C19orf38: variants seen among roughly 807,000 people sequenced by gnomAD.
The protein encoded by C19orf38 is protein HIDE1.
Under a neutral mutation model 26.6 loss-of-function variants are expected in C19orf38, and 14 were observed. The observed-to-expected ratio is 0.53, with a 90% CI of 0.35 to 0.82. C19orf38 has a LOEUF of 0.82. C19orf38 is among the 40% of genes least tolerant of loss of function. C19orf38 has a pLI of 0.01. For synonymous variants in C19orf38, 132 were observed against 128.5 expected, an observed-to-expected ratio of 1.03 and a Z score of -0.18; for missense variants, 261 against 299.5, an observed-to-expected ratio of 0.87 and a Z score of 0.95.
intron 3 of C19orf38, among the ~76,000 whole-genome samples, chr19:10,856,957 C>G (rs1168898785): frequency 6.6e-6 from 1 of 151,846 alleles, no homozygotes; most frequent in Non-Finnish European, 1.5e-5. Flanking sequence ...CCACCACATG[C>G]AGCTAATTAT....
At chr19:10,860,223 C>T in intron 5 of C19orf38, 1 of 422,480 alleles carries the variant, frequency 2.4e-6, no homozygotes, top group Non-Finnish European at 4.4e-6. Context: ...GACCATTCTT[C>T]TTACCCCTCG....
chr19:10,837,280 T>C (rs2073440078), intron 1 of C19orf38, among the ~76,000 whole-genome samples: 1 of 152,110 alleles, frequency 6.6e-6, no homozygotes, highest in Admixed American at 6.6e-5. Context: ...CCGGAAAAGG[T>C]TGGCAGGTGA....
At chr19:10,857,825 G>T (rs1352251152) in intron 3 of C19orf38, among the ~76,000 whole-genome samples, 2 of 151,440 alleles carry the variant, frequency 1.3e-5, no homozygotes, top group Admixed American at 6.6e-5. Context: ...AGGTTGCAGT[G>T]AGTCAAGATC....
intron 2 of C19orf38, among the ~76,000 whole-genome samples, chr19:10,853,593 ATT>A (rs1386254257): frequency 4.5e-5 from 5 of 112,280 alleles, no homozygotes; most frequent in Admixed American, 1.9e-4. Flanking sequence ...GCTCCCCCCA[ATT>A]TTTTTTTTTT....
chr19:10,850,616 A>G (rs1168844619), intron 2 of C19orf38, 49 bp downstream of exon 2: 10 of 1,529,784 alleles, frequency 6.5e-6, no homozygotes, highest in Admixed American at 3.9e-5. Flanking sequence ...ATTTTCTCAC[A>G]TGGACCTCTT....
chr19:10,846,258 A>G (rs1285071452), upstream of C19orf38, among the ~76,000 whole-genome samples: 1 of 151,122 alleles, frequency 6.6e-6, no homozygotes, highest in Non-Finnish European at 1.5e-5. Flanking sequence ...GTGCAGTGGC[A>G]TGATCTCAGC....
chr19:10,848,551 G>T lies in C19orf38; in HGVS notation c.31+12G>T. The T allele has an allele frequency of 1.3e-6, 2 of 1,550,820 alleles. No homozygotes were observed. Among genetic ancestry groups the T allele is most frequent in the Non-Finnish European group, 1.7e-6 (2 of 1,146,480 alleles). On this transcript the variant is annotated intron_variant, in intron 1 of 6. Coordinates refer to ENST00000397820, the MANE Select transcript of C19orf38 (RefSeq NM_001136482.3). ...GCTCTTTGCAGCTGGTGAGTCTGAAGCCCCCCTCTCAGATCCCCCACGCCT... is the reference window on the plus strand; with the variant it reads ...GCTCTTTGCAGCTGGTGAGTCTGAATCCCCCCTCTCAGATCCCCCACGCCT...
intron 2 of C19orf38, among the ~76,000 whole-genome samples, chr19:10,853,494 C>G (rs1343582863): frequency 1.3e-5 from 2 of 151,072 alleles, no homozygotes; most frequent in South Asian, 4.2e-4. Context: ...CAATGCTGGC[C>G]AGGCTGCTCT....
At position 10,850,467 on chromosome 19, in the gene C19orf38, G is replaced by C. The variant is rs1458794589; in HGVS notation, c.240G>C (p.Lys80Asn). Residue 80 changes from lysine to asparagine, a missense_variant, in exon 2 of 7, where the codon AAG (lysine) becomes AAC (asparagine). Transcript: ENST00000397820. ...TTAACCTGAGCGGCGGCAGCAGCAA[G>C]GCTCCAGGGGGACCCTTCCACTGCC... ...VTFNLSGGSS[K>N]APGGPFHCQY... is the part of the protein sequence containing the mutation. 2 of 1,551,502 alleles carry C rather than the reference G, an allele frequency of 1.3e-6. No individual in the cohort carries two copies. The highest frequency in any genetic ancestry group is 2.7e-5 in the African/African-American group (2 of 73,050).
At chr19:10,842,816 G>A (rs531021420) in intron 1 of C19orf38, among the ~76,000 whole-genome samples, 12 of 152,116 alleles carry the variant, frequency 7.9e-5, no homozygotes, top group Non-Finnish European at 1.5e-4. Flanking sequence ...TTTGCCAGCC[G>A]GGGACATCTA....
chr19:10,863,694 G>A (rs1312865986), intron 6 of C19orf38, among the ~76,000 whole-genome samples: 3 of 151,736 alleles, frequency 2.0e-5, no homozygotes, highest in Admixed American at 2.0e-4. Flanking sequence ...GGCCGAGGCG[G>A]GTGTGGGTCA....
intron 3 of C19orf38, among the ~76,000 whole-genome samples, chr19:10,857,926 G>GAAAGA (rs1458820547): frequency 7.9e-6 from 1 of 127,098 alleles, no homozygotes; most frequent in Non-Finnish European, 1.7e-5. Context: ...AAGAAAGAAA[G>GAAAGA]AAAGAAAAAT....
chr19:10,866,674 A>T (rs1045362872), intron 6 of C19orf38, among the ~76,000 whole-genome samples: 7 of 148,908 alleles, frequency 4.7e-5, no homozygotes, highest in Non-Finnish European at 7.4e-5. Flanking sequence ...TTGGAGACGG[A>T]GTTTCGCAAT....
intron 2 of C19orf38, among the ~76,000 whole-genome samples, chr19:10,855,819 C>CCACT (rs762822181): frequency 2.0e-4 from 31 of 152,170 alleles, no homozygotes; most frequent in Non-Finnish European, 4.3e-4. Context: ...TGAGCCACTG[C>CCACT]GCCTGGCCAA....
At chr19:10,838,755 T>C (rs557908723) in intron 1 of C19orf38, among the ~76,000 whole-genome samples, 12 of 152,256 alleles carry the variant, frequency 7.9e-5, no homozygotes, top group Non-Finnish European at 1.5e-4. Context: ...ATAGATGAGC[T>C]GGTGAGGAGA....
chr19:10,869,428 T>G lies in C19orf38; in HGVS notation c.*61T>G. 6.7e-7 allele frequency: 1 copy of G among 1,482,474 alleles called. No homozygotes were observed. The allele number at this position is 1,482,474 out of a possible 1,614,324, so 91.8% of individuals were successfully genotyped here. On this transcript the variant is annotated 3_prime_UTR_variant, in exon 7 of 7. Coordinates refer to ENST00000397820, the MANE Select transcript of C19orf38 (RefSeq NM_001136482.3). ...TTCGGGGGCCTGAGGTCCCTCCAGC[T>G]ACTTCTGGGGGGGCTCTGTCAGCCA...
Position 10,859,948 on chromosome 19 carries a change from C to T in C19orf38, c.495C>T (p.Phe165=), listed in dbSNP as rs769559702. Residue 165 remains phenylalanine (F), a synonymous_variant, in exon 5 of 7, where the codon TTC becomes TTT. Coordinates refer to ENST00000397820, the MANE Select transcript of C19orf38 (RefSeq NM_001136482.3). The part of the protein sequence containing the change: ...DRESCWAQIN[F]DSTDMSFDNS... Reference sequence around the variant, plus strand: ...AATCCTGCTGGGCCCAGATTAACTTCGACAGCACAGGTCTGTGCCTCCACA... The same window carrying T: ...AATCCTGCTGGGCCCAGATTAACTTTGACAGCACAGGTCTGTGCCTCCACA... 2.5e-5 allele frequency: 39 copies of T among 1,551,740 alleles called. No individual in the cohort carries two copies. Among genetic ancestry groups the T allele is most frequent in the Non-Finnish European group, 2.8e-5 (32 of 1,146,906 alleles).
intron 6 of C19orf38, among the ~76,000 whole-genome samples, chr19:10,865,393 C>T (rs529487498): frequency 7.0e-4 from 106 of 152,284 alleles, no homozygotes; most frequent in African/African-American, 2.5e-3. Flanking sequence ...GTGATCCGCC[C>T]GCCTTGGCCT....
At chr19:10,859,305 T>G (rs1251578292) in intron 4 of C19orf38, among the ~76,000 whole-genome samples, 2 of 144,040 alleles carry the variant, frequency 1.4e-5, no homozygotes, top group Non-Finnish European at 3.1e-5. Flanking sequence ...TGTGTGTGTG[T>G]GTATGTATGT....
Sources: gnomAD v4.1 joint callset for allele counts (sites outside exome capture counted in the v4.1 genomes callset) on GRCh38, gnomAD v4.1.1 for gene constraint, MANE v1.5 for transcripts, NCBI Gene and HGNC (gene_info 2026-07-23, HGNC 2026-07-21) for gene names.